Variants in PPARGC1A observed in about 807,000 individuals in gnomAD.
PPARGC1A encodes the protein PPARG coactivator 1 alpha.
A neutral mutation model predicts 88.7 loss-of-function variants in PPARGC1A; 25 were observed. The ratio of observed to expected loss-of-function variants is 0.28; its 90% CI spans 0.21 to 0.39. PPARGC1A has a LOEUF of 0.39. PPARGC1A is among the 10% of genes least tolerant of loss of function. The pLI is 1.00. For synonymous variants in PPARGC1A, 363 were observed against 355.6 expected (o/e 1.02, Z -0.24); for missense variants, 880 against 968.7 (o/e 0.91, Z 1.22).
chr4:24,141,017 A>G, the PPARGC1A span, among the ~76,000 whole-genome samples: 7 of 152,204 alleles, frequency 4.6e-5, no homozygotes, highest in Non-Finnish European at 8.8e-5. Context: ...GGACTAACAG[A>G]AGTTAGGAAA....
the PPARGC1A span, among the ~76,000 whole-genome samples, chr4:24,355,093 C>T: frequency 3.3e-5 from 5 of 152,080 alleles, no homozygotes; most frequent in African/African-American, 1.2e-4. Flanking sequence ...AGGGACTTAC[C>T]GCAGCTATGT....
the PPARGC1A span, among the ~76,000 whole-genome samples, chr4:23,939,833 TA>T: frequency 6.6e-6 from 1 of 152,170 alleles, no homozygotes; most frequent in Admixed American, 6.6e-5. Flanking sequence ...CCCAAGGACA[TA>T]ACCAGTAAGA....
the PPARGC1A span, among the ~76,000 whole-genome samples, chr4:24,032,220 T>C: frequency 2.6e-5 from 4 of 152,194 alleles, no homozygotes; most frequent in Non-Finnish European, 5.9e-5. Context: ...CCTTTTGACA[T>C]GGAAAAATCA....
chr4:24,306,351 T>C, the PPARGC1A span, among the ~76,000 whole-genome samples: 1 of 152,112 alleles, frequency 6.6e-6, no homozygotes, highest in East Asian at 1.9e-4. Flanking sequence ...AACAGTTCAG[T>C]ACTCTGGGTT....
the PPARGC1A span, among the ~76,000 whole-genome samples, chr4:23,967,968 G>T: frequency 6.6e-6 from 1 of 152,190 alleles, no homozygotes; most frequent in African/African-American, 2.4e-5. Flanking sequence ...TCCAAGAGGT[G>T]AAGGGAGAGA....
chr4:23,809,845 G>A (rs572180446), intron 10 of PPARGC1A, among the ~76,000 whole-genome samples: 4 of 152,150 alleles, frequency 2.6e-5, no homozygotes, highest in Non-Finnish European at 5.9e-5. Flanking sequence ...TCTCCCTTTA[G>A]GATTTGGATC....
the PPARGC1A span, among the ~76,000 whole-genome samples, chr4:24,297,278 A>G: frequency 6.6e-6 from 1 of 152,182 alleles, no homozygotes; most frequent in Non-Finnish European, 1.5e-5. Context: ...TCCTAGAGTT[A>G]CTACGTAGTA....
the PPARGC1A span, among the ~76,000 whole-genome samples, chr4:24,189,238 A>G: frequency 6.6e-6 from 1 of 152,128 alleles, no homozygotes; most frequent in South Asian, 2.1e-4. Flanking sequence ...TGGCTGCAAA[A>G]ATTACAAATA....
chr4:24,121,002 A>T, the PPARGC1A span, among the ~76,000 whole-genome samples: 1 of 152,222 alleles, frequency 6.6e-6, no homozygotes, highest in Non-Finnish European at 1.5e-5. Flanking sequence ...CAATAGCAAC[A>T]AGCACAAAAT....
At chr4:24,472,863 C>T in the PPARGC1A span, among the ~76,000 whole-genome samples, 1 of 148,874 alleles carries the variant, frequency 6.7e-6, no homozygotes, top group Admixed American at 6.7e-5. The surrounding 1 kb of genome is among the most constrained non-coding windows in gnomAD (Gnocchi z 4.5). Flanking sequence ...ATGAGCGAGC[C>T]GGGATGGAGG....
the PPARGC1A span, among the ~76,000 whole-genome samples, chr4:24,433,614 C>G: frequency 1.1e-3 from 173 of 152,176 alleles, 1 homozygote; most frequent in African/African-American, 4.0e-3. Flanking sequence ...TTTTAGATAA[C>G]GACTTTCCTC....
At chr4:23,906,066 C>G (rs1289098805), upstream of PPARGC1A, among the ~76,000 whole-genome samples, 2 of 152,138 alleles carry the variant, frequency 1.3e-5, no homozygotes, top group Non-Finnish European at 2.9e-5. Flanking sequence ...TCAAAAGAAG[C>G]CTTACAACAA....
the PPARGC1A span, among the ~76,000 whole-genome samples, chr4:24,373,123 C>T: frequency 0.01 from 1,553 of 152,298 alleles, 22 homozygotes; most frequent in Non-Finnish European, 0.014. Flanking sequence ...CACAAAACTG[C>T]AGGCCATGAG....
chr4:23,801,903 T>A, intron 11 of PPARGC1A, 22 bp from the exon 12 acceptor site: 1 of 1,613,406 alleles, frequency 6.2e-7, no homozygotes, highest in South Asian at 1.1e-5. Context: ...AAAGAAAAGT[T>A]CAAAGCTGGT....
chr4:23,814,352 A>C lies in PPARGC1A; in HGVS notation c.1131T>G (p.Ser377Arg), dbSNP rs1310376241. 4 of 1,613,872 alleles carry C rather than the reference A, an allele frequency of 2.5e-6. No individual in the cohort carries two copies. Among genetic ancestry groups the C allele is most frequent in the Non-Finnish European group, 3.4e-6 (4 of 1,179,988 alleles). The change falls in exon 8 of 13, where the codon AGT becomes AGG. Residue 377 changes from serine to arginine, a missense_variant. By Grantham distance (110) the Ser-to-Arg change is moderately radical. Transcript: ENST00000264867. ...AGTCATGGTCACCAAACAGCCGCAG[A>C]CTGGGCCGCTTGGTCTTCCTTTCCT... ...GHEERKTKRPSLRLFGDHDYC... is the reference protein window; with the variant it reads ...GHEERKTKRPRLRLFGDHDYC...
At chr4:24,308,031 C>A in the PPARGC1A span, among the ~76,000 whole-genome samples, 77 of 152,156 alleles carry the variant, frequency 5.1e-4, no homozygotes, top group African/African-American at 1.7e-3. Context: ...GTGGCTCATG[C>A]CTGTAACCCC....
the PPARGC1A span, among the ~76,000 whole-genome samples, chr4:23,999,255 G>A: frequency 4.6e-5 from 7 of 152,218 alleles, no homozygotes; most frequent in African/African-American, 9.6e-5. Context: ...TGAAAGCATT[G>A]TCTGTTTGCT....
chr4:24,417,029 CAA>C, the PPARGC1A span, among the ~76,000 whole-genome samples: 5 of 123,760 alleles, frequency 4.0e-5, no homozygotes, highest in Admixed American at 8.1e-5. Context: ...GATTCCATCT[CAA>C]AAAAAAAAAA....
the PPARGC1A span, among the ~76,000 whole-genome samples, chr4:24,297,612 T>C: frequency 0.015 from 2,356 of 152,258 alleles, 35 homozygotes; most frequent in Middle Eastern, 0.02. Flanking sequence ...ACCTCACTTG[T>C]TTATTTCCAT....
Sources: gnomAD v4.1 joint callset for allele counts (sites outside exome capture counted in the v4.1 genomes callset) on GRCh38, gnomAD v4.1.1 for gene constraint, Gnocchi (gnomAD v3.1) non-coding constraint, MANE v1.5 for transcripts, NCBI Gene and HGNC (gene_info 2026-07-23, HGNC 2026-07-21) for gene names.